PDE3A: variants seen among roughly 807,000 people sequenced by gnomAD.
PDE3A encodes phosphodiesterase 3A, also known as cGMP-inhibited 3',5'-cyclic phosphodiesterase 3A.
Under a neutral mutation model 98.3 loss-of-function variants are expected in PDE3A, and 43 were observed. The ratio of observed to expected loss-of-function variants is 0.44; its 90% CI spans 0.34 to 0.56. The LOEUF (loss-of-function observed/expected upper bound fraction) is 0.56, where lower values mean the gene tolerates loss of function less well. Ranked by LOEUF, PDE3A falls within the 20% of genes least tolerant of loss-of-function variation. The probability of loss-of-function intolerance (pLI) is 0.01; values close to 1 mark genes in which losing one functional copy is unlikely to be tolerated. For synonymous variants in PDE3A, 663 were observed against 567.9 expected (o/e 1.17, Z -2.38); for missense variants, 1,427 against 1,440.7 (o/e 0.99, Z 0.15).
In PDE3A at chr12:20,686,839, TAAG is replaced by T. The variant is rs1012697145; in HGVS notation, c.*6572_*6574del. 1.3e-5 allele frequency among the ~76,000 whole-genome samples: 2 copies of T among 152,122 alleles called. No homozygotes were observed. The highest frequency in any genetic ancestry group is 4.8e-5 in the African/African-American group (2 of 41,438). On this transcript the variant is annotated 3_prime_UTR_variant, in exon 16 of 16. Coordinates refer to ENST00000359062, the MANE Select transcript of PDE3A (RefSeq NM_000921.5). ...GCTTTCCTTGTAAAGTCCATGGTAC[TAAG>T]AAGCAAAAAATGCAGAGCTGTGGAT...
intron 1 of PDE3A, among the ~76,000 whole-genome samples, chr12:20,470,572 C>T (rs909600584): frequency 6.6e-6 from 1 of 152,092 alleles, no homozygotes; most frequent in Admixed American, 6.6e-5. Context: ...ATTTACAACA[C>T]TTTTCCACTT....
chr12:20,593,299 G>A lies in PDE3A; in HGVS notation c.1012-20144G>A, dbSNP rs553425798. ...GAGGGATGAGGCATTAGTAGAGCACGTGGAGATGTAACTGGAAAAGGGCGG... is the reference window on the plus strand; with the variant it reads ...GAGGGATGAGGCATTAGTAGAGCACATGGAGATGTAACTGGAAAAGGGCGG... On this transcript the variant is annotated intron_variant, in intron 2 of 15. Coordinates refer to ENST00000359062, the MANE Select transcript of PDE3A (RefSeq NM_000921.5). Among the ~76,000 whole-genome samples the A allele has an allele frequency of 2.6e-5, 4 of 152,288 alleles. No individual in the cohort carries two copies. In the South Asian group the frequency reaches 6.2e-4, roughly 24 times the overall value.
intron 1 of PDE3A, among the ~76,000 whole-genome samples, chr12:20,492,621 G>A (rs959220641): frequency 3.9e-5 from 6 of 152,152 alleles, no homozygotes; most frequent in Non-Finnish European, 8.8e-5. Flanking sequence ...AGTGCCTGTG[G>A]GAAAGGGGCT....
intron 1 of PDE3A, among the ~76,000 whole-genome samples, chr12:20,489,360 G>A (rs1292110735): frequency 6.6e-6 from 1 of 152,182 alleles, no homozygotes. Context: ...GGCAGCCCCT[G>A]ACAGCAGAAG....
rs58496505 is a variant in PDE3A, at chr12:20,687,914, G to GAAAAAAAAAAAAAAAAAAA, written c.*7648_*7666dup. On this transcript the variant is annotated 3_prime_UTR_variant, in exon 16 of 16. Coordinates refer to ENST00000359062, the MANE Select transcript of PDE3A (RefSeq NM_000921.5). ...GACCAGTCATTACCTCTTCCCAACAGAAAAAAAAAAAAAAAAAAAAAAACT... is the reference window on the plus strand; with the variant it reads ...GACCAGTCATTACCTCTTCCCAACAGAAAAAAAAAAAAAAAAAAAAAAAAAAAAAAAAAAAAAAAAAACT... Among the ~76,000 whole-genome samples, 13 of 94,262 alleles carry GAAAAAAAAAAAAAAAAAAA rather than the reference G, an allele frequency of 1.4e-4. 1 individual carries two copies. The highest frequency in any genetic ancestry group is 5.1e-4 in the African/African-American group (12 of 23,400). 61.8% of individuals were successfully genotyped at this position (94,262 alleles called of 152,430 possible). A position where few individuals can be genotyped will look rare whatever the true frequency, so the allele number is the denominator to read the frequency against.
Position 20,552,324 on chromosome 12 carries a change from G to A in PDE3A, c.961-4336G>A. Reference sequence around the variant, plus strand: ...GCATCTACAAGGTTGTGAAATACTGGCCCGAGAAGGGGAAGTCCGGGTTTC... The same window carrying A: ...GCATCTACAAGGTTGTGAAATACTGACCCGAGAAGGGGAAGTCCGGGTTTC... On this transcript the variant is annotated intron_variant, in intron 1 of 15. Coordinates refer to ENST00000359062, the MANE Select transcript of PDE3A (RefSeq NM_000921.5). This position sits in a 1 kb window ranked among gnomAD's most constrained non-coding sequence, Gnocchi z 5.1. 4.3e-6 allele frequency: 7 copies of A among 1,613,900 alleles called. No homozygotes were observed. Among genetic ancestry groups the A allele is most frequent in the East Asian group, 2.2e-5 (1 of 44,836 alleles).
intron 1 of PDE3A, among the ~76,000 whole-genome samples, chr12:20,531,946 T>G (rs1455920942): frequency 1.7e-4 from 2 of 11,618 alleles, no homozygotes; most frequent in South Asian, 0.013. Flanking sequence ...AAATAAAAGT[T>G]TTTTTTTTTT....
At position 20,552,664 on chromosome 12, in the gene PDE3A, C is replaced by T. The variant is rs1942245923; in HGVS notation, c.961-3996C>T. ...GGTGGAGCCCTACAGTCTCACGGCC[C>T]AGCAGAGCAGCCTCATCAGAGAGGA... On this transcript the variant is annotated intron_variant, in intron 1 of 15. Coordinates refer to ENST00000359062, the MANE Select transcript of PDE3A (RefSeq NM_000921.5). This position sits in a 1 kb window ranked among gnomAD's most constrained non-coding sequence, Gnocchi z 5.1. The T allele has an allele frequency of 2.5e-6, 4 of 1,613,972 alleles. No homozygotes were observed. The highest frequency in any genetic ancestry group is 1.7e-5 in the Admixed American group (1 of 60,030).
intron 1 of PDE3A, among the ~76,000 whole-genome samples, chr12:20,547,561 GA>G (rs566949162): frequency 3.3e-5 from 5 of 152,116 alleles, no homozygotes; most frequent in Non-Finnish European, 7.4e-5. Flanking sequence ...TGCTGTAAAA[GA>G]ATAGTTTTCT....
chr12:20,553,372 A>G (rs1270658653), intron 1 of PDE3A, among the ~76,000 whole-genome samples: 8 of 107,760 alleles, frequency 7.4e-5, no homozygotes, highest in Non-Finnish European at 3.7e-5. Context: ...GCTGCCACCA[A>G]CTCTTTAAGA....
At chr12:20,653,270 T>C (rs564529582) in intron 14 of PDE3A, among the ~76,000 whole-genome samples, 9 of 152,288 alleles carry the variant, frequency 5.9e-5, no homozygotes, top group African/African-American at 2.2e-4. Flanking sequence ...AGGTAACCCC[T>C]TGAATTGAGC....
intron 15 of PDE3A, among the ~76,000 whole-genome samples, chr12:20,678,362 C>T (rs1470242253): frequency 5.9e-5 from 9 of 152,086 alleles, no homozygotes; most frequent in Admixed American, 3.3e-4. Flanking sequence ...AGTCTGATTA[C>T]CTACTCACTC....
intron 2 of PDE3A, among the ~76,000 whole-genome samples, chr12:20,568,757 A>G (rs1942723373): frequency 2.0e-5 from 3 of 152,068 alleles, no homozygotes. Context: ...CATAATGTAT[A>G]CATTATTCCC....
rs1946522630 is a variant in PDE3A, at chr12:20,526,516, G to A, written c.961-30144G>A. Among the ~76,000 whole-genome samples, 3 of 152,266 alleles carry A rather than the reference G, an allele frequency of 2.0e-5. No individual in the cohort carries two copies. In the South Asian group the frequency reaches 6.2e-4, roughly 32 times the overall value. The stretch of plus-strand genomic sequence containing the variant: ...TGGAAAAATAAAGTAATATGGGTAT[G>A]TATAATATGCCTTCTAAACCTCTAA... On this transcript the variant is annotated intron_variant, in intron 1 of 15. Coordinates refer to ENST00000359062, the MANE Select transcript of PDE3A (RefSeq NM_000921.5).
chr12:20,651,397 G>C (rs1944912008), intron 14 of PDE3A, among the ~76,000 whole-genome samples: 1 of 152,046 alleles, frequency 6.6e-6, no homozygotes, highest in South Asian at 2.1e-4. Context: ...TTACTCTTGG[G>C]GAAATATAAC....
At position 20,639,886 on chromosome 12, in the gene PDE3A, C is replaced by T. The variant is rs1359067479; in HGVS notation, c.2180C>T (p.Ala727Val). ...RLFEDMGLFE[A>V]FKIPIREFMN... is the part of the protein sequence containing the mutation. The stretch of plus-strand genomic sequence containing the variant: ...TTTGAAGACATGGGCCTCTTTGAAG[C>T]TTTTAAAATTCCAATTAGGGAATTT... Residue 727 changes from alanine (A) to valine (V), a missense_variant, in exon 10 of 16, where the codon GCT becomes GTT. Ala to Val is a moderately conservative substitution (Grantham distance 64). Transcript: ENST00000359062. The T allele has an allele frequency of 1.3e-6, 2 of 1,586,246 alleles. No individual in the cohort carries two copies. Among genetic ancestry groups the T allele is most frequent in the Non-Finnish European group, 1.7e-6 (2 of 1,155,378 alleles).
In PDE3A at chr12:20,589,046, C is replaced by T. The variant is rs141308193; in HGVS notation, c.1012-24397C>T. Among the ~76,000 whole-genome samples the T allele has an allele frequency of 3.8e-3, 580 of 152,198 alleles. 2 individuals are homozygous for T. Among genetic ancestry groups the T allele is most frequent in the Admixed American group, 6.0e-3 (91 of 15,292 alleles). Reference sequence around the variant, plus strand: ...TACGCCATTCTTCTGCCTCAGCCTCCCGAGTAGCTGGGAGTACAGGCGCCT... The same window carrying T: ...TACGCCATTCTTCTGCCTCAGCCTCTCGAGTAGCTGGGAGTACAGGCGCCT... On this transcript the variant is annotated intron_variant, in intron 2 of 15. Transcript: ENST00000359062.
intron 1 of PDE3A, among the ~76,000 whole-genome samples, chr12:20,448,031 A>G (rs1410396258): frequency 2.0e-5 from 3 of 152,180 alleles, no homozygotes; most frequent in African/African-American, 7.2e-5. Context: ...CTCTTACACT[A>G]ATGGATTTGT....
At chr12:20,426,458 G>A (rs7488780) in intron 1 of PDE3A, among the ~76,000 whole-genome samples, 15 of 151,966 alleles carry the variant, frequency 9.9e-5, no homozygotes, top group African/African-American at 2.7e-4. Context: ...CATAGTTGAC[G>A]TACTTCACAC....
Sources: allele counts gnomAD v4.1 joint callset (sites outside exome capture counted in the v4.1 genomes callset), GRCh38; gene constraint gnomAD v4.1.1; non-coding constraint Gnocchi (gnomAD v3.1); transcripts MANE v1.5; gene names NCBI Gene and HGNC (gene_info 2026-07-23, HGNC 2026-07-21).